Variants in CCDC63 observed in about 807,000 individuals in gnomAD.
The protein encoded by CCDC63 is coiled-coil domain containing 63.
A neutral mutation model predicts 63.6 loss-of-function variants in CCDC63; 54 were observed. The observed-to-expected ratio is 0.85, with a 90% CI of 0.68 to 1.07. The LOEUF is 1.07. Ranked by LOEUF, CCDC63 falls within the 50% of genes least tolerant of loss-of-function variation. The probability of loss-of-function intolerance (pLI) is 0.00; values close to 1 mark genes in which losing one functional copy is unlikely to be tolerated. For synonymous variants in CCDC63, 253 were observed against 266.1 expected, an observed-to-expected ratio of 0.95 and a Z score of 0.48; for missense variants, 637 against 689.6, an observed-to-expected ratio of 0.92 and a Z score of 0.86.
Position 110,884,034 on chromosome 12 carries a change from C to G in CCDC63, c.858C>G (p.Leu286=). The change falls in exon 8 of 12, where the codon CTC becomes CTG. Residue 286 remains leucine (L), a synonymous_variant. Coordinates refer to ENST00000308208, the MANE Select transcript of CCDC63 (RefSeq NM_152591.3). ...FEEQAKREEA[L]KAKKHVKKNR... ...GGCTGATTTTTCCTTTCCTAGCTCT[C>G]AAGGCAAAGAAGCATGTCAAGAAGA... 1 of 1,613,388 alleles carries G rather than the reference C, an allele frequency of 6.2e-7. No homozygotes were observed. Among genetic ancestry groups the G allele is most frequent in the South Asian group, 1.1e-5 (1 of 91,048 alleles).
At chr12:110,885,419 C>T (rs912570305) in intron 8 of CCDC63, among the ~76,000 whole-genome samples, 6 of 152,270 alleles carry the variant, frequency 3.9e-5, no homozygotes, top group South Asian at 4.1e-4. Context: ...ATTTACACAC[C>T]AGTACATAAA....
intron 1 of CCDC63, among the ~76,000 whole-genome samples, chr12:110,847,955 A>T (rs1444881706): frequency 6.6e-6 from 1 of 152,262 alleles, no homozygotes; most frequent in Admixed American, 6.5e-5. Context: ...CCATGCGCCC[A>T]GGACTATGGA....
intron 1 of CCDC63, among the ~76,000 whole-genome samples, chr12:110,847,536 C>CAGAG (rs755217259): frequency 6.9e-6 from 1 of 145,872 alleles, no homozygotes; most frequent in Admixed American, 6.9e-5. Flanking sequence ...GCCTGGGTGA[C>CAGAG]AGAGAGAGAG....
intron 4 of CCDC63, among the ~76,000 whole-genome samples, chr12:110,866,309 CTTTT>C (rs67350855): frequency 7.3e-6 from 1 of 137,018 alleles, no homozygotes; most frequent in Admixed American, 7.4e-5. Flanking sequence ...TTAAGCCACT[CTTTT>C]TTTTTTTTTT....
At chr12:110,879,406 C>A (rs916036073) in intron 5 of CCDC63, among the ~76,000 whole-genome samples, 1 of 152,116 alleles carries the variant, frequency 6.6e-6, no homozygotes, top group African/African-American at 2.4e-5. Flanking sequence ...ATTTAATATC[C>A]CACAAAGCAT....
chr12:110,852,725 A>G, intron 1 of CCDC63, 134 bp from the exon 2 acceptor site: 1 of 638,558 alleles, frequency 1.6e-6, no homozygotes, highest in South Asian at 1.8e-5. Flanking sequence ...CCGGGCAGCC[A>G]TCTGGGTATC....
At chr12:110,859,491 A>C (rs2070824194) in intron 4 of CCDC63, among the ~76,000 whole-genome samples, 1 of 151,872 alleles carries the variant, frequency 6.6e-6, no homozygotes, top group South Asian at 2.1e-4. Flanking sequence ...TTTTTAGTAG[A>C]GACAGGGTTT....
chr12:110,856,660 G>A (rs2070774796), intron 3 of CCDC63, among the ~76,000 whole-genome samples: 2 of 66,690 alleles, frequency 3.0e-5, no homozygotes, highest in South Asian at 1.0e-3. Context: ...GATACTATGG[G>A]CCCCTCAGAG....
chr12:110,856,734 C>G (rs1388953746), intron 3 of CCDC63, among the ~76,000 whole-genome samples: 2 of 152,108 alleles, frequency 1.3e-5, no homozygotes, highest in African/African-American at 4.8e-5. Context: ...CCAAATCTGG[C>G]TGGCTGCTGG....
upstream of CCDC63, among the ~76,000 whole-genome samples, chr12:110,844,853 C>T (rs1352910989): frequency 6.6e-6 from 1 of 152,136 alleles, no homozygotes; most frequent in Non-Finnish European, 1.5e-5. Context: ...TGAGATAGTT[C>T]GAGTGGGTTT....
Position 110,876,107 on chromosome 12 carries a change from A to G in CCDC63, c.489+2146A>G. 3.4e-5 allele frequency among the ~76,000 whole-genome samples: 3 copies of G among 89,246 alleles called. No individual in the cohort carries two copies. The East Asian group carries it at 6.0e-4, about 18-fold the overall frequency. 58.5% of individuals were successfully genotyped at this position (89,246 alleles called of 152,430 possible). A position where few individuals can be genotyped will look rare whatever the true frequency, so the allele number is the denominator to read the frequency against. On this transcript the variant is annotated intron_variant, in intron 5 of 11. Coordinates refer to ENST00000308208, the MANE Select transcript of CCDC63 (RefSeq NM_152591.3). ...GATGACAGAGTGAGAACCTGTCTCA[A>G]AAAAAAAAAAAAAAAAGGTTAGGCA...
chr12:110,886,048 G>C (rs2071274468), intron 8 of CCDC63, among the ~76,000 whole-genome samples: 1 of 152,128 alleles, frequency 6.6e-6, no homozygotes. Flanking sequence ...ATGGAGTGAA[G>C]GTGACTTTAT....
At position 110,874,892 on chromosome 12, in the gene CCDC63, G is replaced by A. The variant is rs532263719; in HGVS notation, c.489+931G>A. Among the ~76,000 whole-genome samples, 58 of 152,186 alleles carry A rather than the reference G, an allele frequency of 3.8e-4. No individual in the cohort carries two copies. In the South Asian group the frequency reaches 4.1e-3, roughly 11 times the overall value. On this transcript the variant is annotated intron_variant, in intron 5 of 11. Transcript: ENST00000308208. ...GGATTAGAGGAGAGGTGGTTCCCCT[G>A]GAAAAGCAAAAAGAGTGGAGAAGGA...
At chr12:110,867,143 C>T (rs2070967456) in intron 4 of CCDC63, among the ~76,000 whole-genome samples, 1 of 143,206 alleles carries the variant, frequency 7.0e-6, no homozygotes, top group African/African-American at 2.6e-5. Flanking sequence ...CCCCACCTCC[C>T]TCCCGGAGGG....
At chr12:110,902,170 C>G (rs1386438890) in intron 10 of CCDC63, among the ~76,000 whole-genome samples, 2 of 152,162 alleles carry the variant, frequency 1.3e-5, no homozygotes, top group Admixed American at 6.5e-5. Context: ...CCACTCTTAT[C>G]AGTTAATGGT....
chr12:110,845,013 C>T (rs190480890), upstream of CCDC63, among the ~76,000 whole-genome samples: 77 of 152,276 alleles, frequency 5.1e-4, no homozygotes, highest in Non-Finnish European at 7.2e-4. Flanking sequence ...GCTGGCTCAT[C>T]GCTTTGGCAA....
At chr12:110,844,833 A>G (rs1009387293), upstream of CCDC63, among the ~76,000 whole-genome samples, 2 of 152,200 alleles carry the variant, frequency 1.3e-5, no homozygotes, top group African/African-American at 4.8e-5. Context: ...CCAAAGAAAA[A>G]AATTCATTTT....
intron 5 of CCDC63, among the ~76,000 whole-genome samples, chr12:110,875,238 T>G (rs1277603935): frequency 6.6e-6 from 1 of 152,158 alleles, no homozygotes; most frequent in Admixed American, 6.5e-5. Context: ...TTTTTGGATT[T>G]CCTCCAGATT....
chr12:110,891,891 C>A (rs2071361649), intron 8 of CCDC63, among the ~76,000 whole-genome samples: 1 of 152,176 alleles, frequency 6.6e-6, no homozygotes, highest in South Asian at 2.1e-4. Context: ...CCTTTGCCGA[C>A]CTGTTCTGTT....
Sources: gnomAD v4.1 joint callset for allele counts (sites outside exome capture counted in the v4.1 genomes callset) on GRCh38, gnomAD v4.1.1 for gene constraint, MANE v1.5 for transcripts, NCBI Gene and HGNC (gene_info 2026-07-23, HGNC 2026-07-21) for gene names.